CCDC90B: variants seen among roughly 807,000 people sequenced by gnomAD.
CCDC90B encodes coiled-coil domain containing 90B.
Under a neutral mutation model 37.0 loss-of-function variants are expected in CCDC90B, and 24 were observed. The ratio of observed to expected loss-of-function variants is 0.65; its 90% CI spans 0.47 to 0.91. The LOEUF (loss-of-function observed/expected upper bound fraction) is 0.91. Among genes scored for constraint, CCDC90B ranks in the 40% least tolerant of loss-of-function variants. The probability of loss-of-function intolerance (pLI) is 0.00; values close to 1 mark genes in which losing one functional copy is unlikely to be tolerated. For synonymous variants in CCDC90B, 113 were observed against 101.1 expected, an observed-to-expected ratio of 1.12 and a Z score of -0.71; for missense variants, 319 against 299.0, an observed-to-expected ratio of 1.07 and a Z score of -0.49.
chr11:83,266,032 A>G, intron 7 of CCDC90B, 53 bp from the exon 8 acceptor site: 1 of 921,236 alleles, frequency 1.1e-6, no homozygotes, highest in East Asian at 2.4e-5. Context: ...TATTAAATGG[A>G]CAAAAGCATT....
At chr11:83,265,764 A>T (rs1226615226) in intron 8 of CCDC90B, 101 bp downstream of exon 8, 1 of 685,202 alleles carries the variant, frequency 1.5e-6, no homozygotes, top group East Asian at 2.7e-5. Context: ...GAGCCTTGTT[A>T]TCTAGCTCCT....
intron 8 of CCDC90B, among the ~76,000 whole-genome samples, chr11:83,265,336 T>A (rs971416659): frequency 1.3e-5 from 2 of 152,170 alleles, no homozygotes; most frequent in African/African-American, 2.4e-5. Flanking sequence ...AATGGGCTTA[T>A]ATCTAATTTA....
At chr11:83,284,588 G>C (rs1363268787) in intron 1 of CCDC90B, among the ~76,000 whole-genome samples, 1 of 152,142 alleles carries the variant, frequency 6.6e-6, no homozygotes, top group Non-Finnish European at 1.5e-5. Flanking sequence ...GACATTATTA[G>C]GCAAGTTTAA....
chr11:83,273,504 G>A, intron 7 of CCDC90B, 143 bp downstream of exon 7: 1 of 521,998 alleles, frequency 1.9e-6, no homozygotes, highest in Non-Finnish European at 3.2e-6. Flanking sequence ...CAAAAGTGCT[G>A]GTTAACTATA....
At chr11:83,266,152 A>C (rs1401910715) in intron 7 of CCDC90B, among the ~76,000 whole-genome samples, 173 bp from the exon 8 acceptor site, 1 of 152,200 alleles carries the variant, frequency 6.6e-6, no homozygotes, top group African/African-American at 2.4e-5. Context: ...AGATGGCCAA[A>C]AGGGAACAGC....
Position 83,279,816 on chromosome 11 carries a change from CTTTT to C in CCDC90B, c.220+321_220+324del, listed in dbSNP as rs56805343. Among the ~76,000 whole-genome samples the C allele has an allele frequency of 4.4e-3, 660 of 150,774 alleles. 8 individuals are homozygous for C. Among genetic ancestry groups the C allele is most frequent in the African/African-American group, 0.015 (616 of 41,102 alleles). ...TTTTGATATCAGGTAATTTTTTGTG[CTTTT>C]TTTTTATTTTTTAATCTCAAACATT... On this transcript the variant is annotated intron_variant, in intron 2 of 8. Coordinates refer to ENST00000529689, the MANE Select transcript of CCDC90B (RefSeq NM_021825.5).
intron 1 of CCDC90B, among the ~76,000 whole-genome samples, chr11:83,282,548 G>C (rs903462570): frequency 2.0e-5 from 3 of 152,284 alleles, no homozygotes; most frequent in South Asian, 2.1e-4. Flanking sequence ...GGTGCAGCTC[G>C]TCTCATGTCC....
In CCDC90B at chr11:83,286,005, A is replaced by G. The variant is rs1865670599; in HGVS notation, c.-33T>C. On this transcript the variant is annotated 5_prime_UTR_variant, in exon 1 of 9. Transcript: ENST00000529689. ...GAGTTTTCCGGTGGGAGGGAGGCGGAAGACGGGGTAAATCTCGCACAGGCT... is the reference window on the plus strand; with the variant it reads ...GAGTTTTCCGGTGGGAGGGAGGCGGGAGACGGGGTAAATCTCGCACAGGCT... 2.5e-6 allele frequency: 4 copies of G among 1,584,824 alleles called. No individual in the cohort carries two copies. Among genetic ancestry groups the G allele is most frequent in the Non-Finnish European group, 3.4e-6 (4 of 1,165,388 alleles).
At position 83,272,255 on chromosome 11, in the gene CCDC90B, A is replaced by AT. The variant is rs1230585924; in HGVS notation, c.594+1391dup. On this transcript the variant is annotated intron_variant, in intron 7 of 8. Coordinates refer to ENST00000529689, the MANE Select transcript of CCDC90B (RefSeq NM_021825.5). ...CCTAGAACTTAAAGTATTAAAAAAA[A>AT]TTTTTTTTTAAAAACACTATAAACT... Among the ~76,000 whole-genome samples the AT allele has an allele frequency of 5.3e-5, 8 of 151,898 alleles. No individual in the cohort carries two copies. In the East Asian group the frequency reaches 1.5e-3, roughly 29 times the overall value.
chr11:83,265,295 G>A (rs1299987611), intron 8 of CCDC90B, among the ~76,000 whole-genome samples: 1 of 152,098 alleles, frequency 6.6e-6, no homozygotes, highest in Admixed American at 6.5e-5. Context: ...TTGATTCAAG[G>A]TAAGGTCATC....
intron 6 of CCDC90B, 22 bp downstream of exon 6, chr11:83,273,771 A>G: frequency 6.2e-7 from 1 of 1,602,574 alleles, no homozygotes; most frequent in East Asian, 2.2e-5. Context: ...TAACCAAGAA[A>G]GTACATTTAA....
chr11:83,266,487 G>A (rs911144864), intron 7 of CCDC90B, among the ~76,000 whole-genome samples: 5 of 152,264 alleles, frequency 3.3e-5, no homozygotes, highest in Admixed American at 6.5e-5. Flanking sequence ...CACGCCCACG[G>A]AGCCTTGCTC....
chr11:83,263,810 T>A (rs1252504208), intron 8 of CCDC90B, among the ~76,000 whole-genome samples: 1 of 152,168 alleles, frequency 6.6e-6, no homozygotes, highest in African/African-American at 2.4e-5. Flanking sequence ...GTCACAGATT[T>A]AAAGAGTAAG....
intron 8 of CCDC90B, 135 bp downstream of exon 8, chr11:83,265,730 A>G: frequency 1.8e-6 from 1 of 569,074 alleles, no homozygotes; most frequent in Non-Finnish European, 3.1e-6. Context: ...TTCTTTAAGC[A>G]CTACAGGGGA....
chr11:83,274,035 T>C (rs1196683237), intron 4 of CCDC90B, 43 bp from the exon 5 acceptor site: 1 of 1,416,966 alleles, frequency 7.1e-7, no homozygotes, highest in Non-Finnish European at 9.3e-7. Context: ...TTAAACCAAG[T>C]CTATATTATG....
chr11:83,260,574 A>T lies in CCDC90B; in HGVS notation c.*1337T>A, dbSNP rs1019479351. 3 of 152,222 alleles carry T rather than the reference A, an allele frequency of 2.0e-5. No homozygotes were observed. The highest frequency in any genetic ancestry group is 4.4e-5 in the Non-Finnish European group (3 of 68,048). The allele number at this position is 152,222 out of a possible 1,614,324, so 9.4% of individuals were successfully genotyped here. ...CTCACTCACTGGACCATATGGACCA[A>T]TCTCTTGACTGCTCTATACTGCAGA... On this transcript the variant is annotated 3_prime_UTR_variant, in exon 9 of 9. Coordinates refer to ENST00000529689, the MANE Select transcript of CCDC90B (RefSeq NM_021825.5).
intron 1 of CCDC90B, chr11:83,285,632 GAA>G: frequency 7.4e-7 from 1 of 1,350,576 alleles, no homozygotes; most frequent in Non-Finnish European, 9.5e-7. Context: ...AGCCGGGCGC[GAA>G]GCCCAGGCCT....
At chr11:83,262,246 C>A (rs1362469646) in intron 8 of CCDC90B, among the ~76,000 whole-genome samples, 1 of 149,850 alleles carries the variant, frequency 6.7e-6, no homozygotes, top group Non-Finnish European at 1.5e-5. Context: ...GCATTATTGA[C>A]TACTTTAAAT....
At chr11:83,272,990 T>C (rs1422073078) in intron 7 of CCDC90B, among the ~76,000 whole-genome samples, 3 of 152,144 alleles carry the variant, frequency 2.0e-5, no homozygotes, top group Non-Finnish European at 4.4e-5. Context: ...TGTGCTTCAT[T>C]TTCCAAATTG....
Sources: allele counts gnomAD v4.1 joint callset (sites outside exome capture counted in the v4.1 genomes callset), GRCh38; gene constraint gnomAD v4.1.1; transcripts MANE v1.5; gene names NCBI Gene and HGNC (gene_info 2026-07-23, HGNC 2026-07-21).